The following PHF14 variants were observed in gnomAD, a reference collection of about 807,000 sequenced individuals.
PHF14 encodes PHD finger protein 14.
In PHF14, 55 loss-of-function variants were observed where a neutral mutation model predicts 117.9. That is an observed-to-expected ratio of 0.47 (90% confidence interval 0.38 to 0.58). The LOEUF (loss-of-function observed/expected upper bound fraction) is 0.58, where lower values mean the gene tolerates loss of function less well. Ranked by LOEUF, PHF14 falls within the 20% of genes least tolerant of loss-of-function variation. PHF14 has a pLI of 0.00. For missense variants in PHF14, 978 were observed against 1,122.2 expected (o/e 0.87, Z 1.84); for synonymous variants, 409 against 368.6 (o/e 1.11, Z -1.26).
intron 10 of PHF14, 103 bp downstream of exon 10, chr7:11,037,194 T>A: frequency 9.8e-7 from 1 of 1,016,746 alleles, no homozygotes; most frequent in Non-Finnish European, 1.4e-6. Context: ...TAATTTCTTC[T>A]GGAGCTCTTT....
At chr7:11,146,051 A>C (rs1042857148) in intron 17 of PHF14, among the ~76,000 whole-genome samples, 1 of 152,174 alleles carries the variant, frequency 6.6e-6, no homozygotes, top group East Asian at 1.9e-4. Flanking sequence ...ATCTGTGGTC[A>C]AGACATTCTA....
At chr7:10,994,222 G>C (rs1782554463) in intron 4 of PHF14, among the ~76,000 whole-genome samples, 2 of 152,068 alleles carry the variant, frequency 1.3e-5, no homozygotes. Flanking sequence ...TGAATCACTT[G>C]AGGTCAGAAG....
At chr7:11,069,450 TC>T (rs1785534154) in intron 16 of PHF14, among the ~76,000 whole-genome samples, 1 of 152,164 alleles carries the variant, frequency 6.6e-6, no homozygotes, top group African/African-American at 2.4e-5. Context: ...GCTGGGCTCT[TC>T]CATCCCCTCT....
At chr7:10,978,826 G>A (rs941202653) in intron 2 of PHF14, among the ~76,000 whole-genome samples, 15 of 152,106 alleles carry the variant, frequency 9.9e-5, no homozygotes, top group African/African-American at 1.7e-4. Flanking sequence ...AAATGTTCCC[G>A]TTTGAGTACC....
At chr7:11,060,876 G>A (rs901637057) in intron 14 of PHF14, among the ~76,000 whole-genome samples, 2 of 151,316 alleles carry the variant, frequency 1.3e-5, no homozygotes, top group Non-Finnish European at 2.9e-5. Context: ...TAAATGGTAA[G>A]TAGTTAGCCA....
intron 4 of PHF14, among the ~76,000 whole-genome samples, chr7:11,002,432 T>A (rs1030225530): frequency 2.1e-5 from 3 of 144,268 alleles, no homozygotes; most frequent in Non-Finnish European, 4.7e-5. Flanking sequence ...TAAGACTTTT[T>A]ATTTTATTTA....
intron 14 of PHF14, among the ~76,000 whole-genome samples, chr7:11,052,043 C>T (rs1328412283): frequency 1.3e-5 from 2 of 152,168 alleles, no homozygotes; most frequent in African/African-American, 4.8e-5. Flanking sequence ...ATTCCCAAAG[C>T]TTTAGAAGTT....
At chr7:11,087,395 T>C (rs1345961619) in intron 16 of PHF14, among the ~76,000 whole-genome samples, 1 of 152,128 alleles carries the variant, frequency 6.6e-6, no homozygotes, top group Non-Finnish European at 1.5e-5. Context: ...TATCACCATG[T>C]TGGCCATACT....
At chr7:11,033,813 A>G (rs1784213758) in intron 7 of PHF14, among the ~76,000 whole-genome samples, 1 of 152,128 alleles carries the variant, frequency 6.6e-6, no homozygotes, top group Non-Finnish European at 1.5e-5. Context: ...TATAATCTTT[A>G]TTTCCATTTA....
At chr7:11,102,840 TGTC>T (rs1209691009) in intron 16 of PHF14, 7 of 1,215,638 alleles carry the variant, frequency 5.8e-6, no homozygotes, top group African/African-American at 3.1e-5. Flanking sequence ...TTGTCAGAAT[TGTC>T]GTATTAAGTA....
chr7:11,051,149 T>C (rs1314172879), intron 13 of PHF14, among the ~76,000 whole-genome samples: 1 of 152,188 alleles, frequency 6.6e-6, no homozygotes, highest in Non-Finnish European at 1.5e-5. Context: ...CAAGTGACTC[T>C]TTCACTTCAG....
intron 17 of PHF14, among the ~76,000 whole-genome samples, chr7:11,112,508 A>C (rs1787479973): frequency 6.6e-6 from 1 of 152,186 alleles, no homozygotes; most frequent in African/African-American, 2.4e-5. Context: ...CGGGTGGCTC[A>C]CACCTGTAAT....
chr7:11,000,844 G>T (rs985677870), intron 4 of PHF14, among the ~76,000 whole-genome samples: 1 of 152,066 alleles, frequency 6.6e-6, no homozygotes, highest in African/African-American at 2.4e-5. Flanking sequence ...ATCTCTCACA[G>T]AGCAGAAGTT....
intron 13 of PHF14, among the ~76,000 whole-genome samples, chr7:11,048,818 A>C (rs949355324): frequency 6.6e-6 from 1 of 152,222 alleles, no homozygotes; most frequent in Non-Finnish European, 1.5e-5. Context: ...TGCAACAATC[A>C]TGTGGCGGTT....
chr7:11,141,713 A>G (rs1012629444), intron 17 of PHF14, among the ~76,000 whole-genome samples: 2 of 152,068 alleles, frequency 1.3e-5, no homozygotes, highest in Admixed American at 6.6e-5. Flanking sequence ...CATCAGTGAC[A>G]GTATGTAAAT....
chr7:10,992,134 A>T (rs1583337951), intron 4 of PHF14, among the ~76,000 whole-genome samples: 1 of 151,386 alleles, frequency 6.6e-6, no homozygotes, highest in Non-Finnish European at 1.5e-5. Flanking sequence ...GGTCACTGCA[A>T]CCTCTGCCTC....
intron 16 of PHF14, among the ~76,000 whole-genome samples, chr7:11,093,753 A>T (rs1442531783): frequency 6.6e-6 from 1 of 152,170 alleles, no homozygotes; most frequent in Non-Finnish European, 1.5e-5. Flanking sequence ...TCTTGAGTGT[A>T]GGCCTTTTTC....
chr7:11,147,560 A>G lies in PHF14; in HGVS notation c.2773-21856A>G, dbSNP rs114290478. On this transcript the variant is annotated intron_variant, in intron 17 of 17. Transcript: ENST00000634607. ...ATAGTTATGCCGCTGTCTGAATCTT[A>G]CTTGACCTCTCAATGTTATTTAACA... 5.8e-3 allele frequency among the ~76,000 whole-genome samples: 877 copies of G among 152,316 alleles called. 10 individuals are homozygous for G. The highest frequency in any genetic ancestry group is 0.02 in the African/African-American group (845 of 41,570).
intron 16 of PHF14, among the ~76,000 whole-genome samples, chr7:11,094,522 T>G (rs1339018489): frequency 6.6e-6 from 1 of 152,166 alleles, no homozygotes; most frequent in African/African-American, 2.4e-5. Context: ...CTCAAAATTC[T>G]TAATCATATT....
Sources: gnomAD v4.1 joint callset for allele counts (sites outside exome capture counted in the v4.1 genomes callset) on GRCh38, gnomAD v4.1.1 for gene constraint, MANE v1.5 for transcripts, NCBI Gene and HGNC (gene_info 2026-07-23, HGNC 2026-07-21) for gene names.